The following PHLPP1 variants were observed in gnomAD, a reference collection of about 807,000 sequenced individuals.
PHLPP1 encodes the protein PH domain and leucine rich repeat protein phosphatase 1, also known as PH domain leucine-rich repeat-containing protein phosphatase 1.
Under a neutral mutation model 117.2 loss-of-function variants are expected in PHLPP1, and 42 were observed. That is an observed-to-expected ratio of 0.36 (90% CI 0.28 to 0.46). PHLPP1 has a LOEUF of 0.46. PHLPP1 is among the 20% of genes least tolerant of loss of function. The pLI is 1.00. For synonymous variants in PHLPP1, 1,042 were observed against 970.7 expected, an observed-to-expected ratio of 1.07 and a Z score of -1.37; for missense variants, 2,084 against 2,241.9, an observed-to-expected ratio of 0.93 and a Z score of 1.42.
intron 10 of PHLPP1, among the ~76,000 whole-genome samples, chr18:62,932,884 C>G (rs992600961): frequency 1.1e-4 from 16 of 152,342 alleles, no homozygotes; most frequent in African/African-American, 3.6e-4. Flanking sequence ...CTCCAAAAGA[C>G]TCTCAGACTT....
intron 12 of PHLPP1, among the ~76,000 whole-genome samples, chr18:62,954,023 A>G (rs1910544317): frequency 6.6e-6 from 1 of 152,230 alleles, no homozygotes; most frequent in Admixed American, 6.5e-5. Context: ...CATAATAAAG[A>G]CAGGCTCCAT....
At chr18:62,919,508 A>G (rs1372404248) in intron 9 of PHLPP1, among the ~76,000 whole-genome samples, 1 of 152,254 alleles carries the variant, frequency 6.6e-6, no homozygotes, top group Non-Finnish European at 1.5e-5. Flanking sequence ...TTCTCAGTGG[A>G]CATTTGTAAA....
At chr18:62,817,623 G>A (rs1914324372) in intron 1 of PHLPP1, among the ~76,000 whole-genome samples, 1 of 151,734 alleles carries the variant, frequency 6.6e-6, no homozygotes, top group South Asian at 2.1e-4. Context: ...GTTTGTAATT[G>A]GAGTCCCTGG....
chr18:62,765,200 T>C (rs1265874289), intron 1 of PHLPP1, among the ~76,000 whole-genome samples: 3 of 152,206 alleles, frequency 2.0e-5, no homozygotes, highest in Admixed American at 1.3e-4. Context: ...CAAATTTTGT[T>C]GATTGGACCT....
intron 12 of PHLPP1, among the ~76,000 whole-genome samples, chr18:62,948,708 G>A (rs1052747515): frequency 2.6e-5 from 4 of 151,030 alleles, no homozygotes; most frequent in South Asian, 2.1e-4. Context: ...TTTAGGGTAC[G>A]TGTGCACTGA....
At chr18:62,935,679 G>A (rs1235352080) in intron 10 of PHLPP1, among the ~76,000 whole-genome samples, 3 of 152,120 alleles carry the variant, frequency 2.0e-5, no homozygotes, top group African/African-American at 7.2e-5. Context: ...ATAGTGACAC[G>A]CCAGTACCAG....
At chr18:62,916,605 GGTGTGTGTGTGT>G (rs71340133) in intron 9 of PHLPP1, among the ~76,000 whole-genome samples, 2 of 145,768 alleles carry the variant, frequency 1.4e-5, no homozygotes, top group Non-Finnish European at 3.0e-5. Context: ...CAAGAGGGTG[GGTGTGTGTGTGT>G]GTGTGTGTGT....
At chr18:62,874,693 T>A (rs112459746) in intron 4 of PHLPP1, among the ~76,000 whole-genome samples, 52 of 140,656 alleles carry the variant, frequency 3.7e-4, no homozygotes, top group African/African-American at 1.6e-3. Context: ...ACACACACAC[T>A]CTCGCTCTCT....
In PHLPP1 at chr18:62,894,991, G is replaced by A; in HGVS notation, c.2067-20G>A. The A allele has an allele frequency of 1.3e-6, 2 of 1,561,262 alleles. No homozygotes were observed. Among genetic ancestry groups the A allele is most frequent in the East Asian group, 4.6e-5 (2 of 43,552 alleles). On this transcript the variant is annotated intron_variant, in intron 4 of 16. Coordinates refer to ENST00000262719, the MANE Select transcript of PHLPP1 (RefSeq NM_194449.4). ...GACATTTGTCTCTTTTTTCCCTTTTGTTTTGCTTTATTGTAATAGGTTCAC... is the reference window on the plus strand; with the variant it reads ...GACATTTGTCTCTTTTTTCCCTTTTATTTTGCTTTATTGTAATAGGTTCAC...
At chr18:62,805,842 A>G (rs921156828) in intron 1 of PHLPP1, among the ~76,000 whole-genome samples, 4 of 151,594 alleles carry the variant, frequency 2.6e-5, no homozygotes, top group African/African-American at 4.9e-5. Flanking sequence ...GCAGAGGTCA[A>G]GATTCTTTTT....
chr18:62,863,455 G>A (rs979056196), intron 4 of PHLPP1, among the ~76,000 whole-genome samples: 15 of 152,032 alleles, frequency 9.9e-5, no homozygotes, highest in African/African-American at 2.9e-4. Context: ...CACCCACCTC[G>A]GCCTCCCAAA....
intron 1 of PHLPP1, among the ~76,000 whole-genome samples, chr18:62,785,258 G>A (rs1326858686): frequency 2.0e-5 from 3 of 152,190 alleles, no homozygotes; most frequent in Admixed American, 6.5e-5. Context: ...AAGACTCTCT[G>A]TATCATCCTC....
rs77984135 is a variant in PHLPP1, at chr18:62,934,625, C to G, written c.2961-7093C>G. Among the ~76,000 whole-genome samples the G allele has an allele frequency of 2.8e-4, 43 of 152,024 alleles. No individual in the cohort carries two copies. In the East Asian group the frequency reaches 7.7e-3, roughly 27 times the overall value. ...CCTATTGGGTACTATTTGGTGGTACCCAAATATTTGGGTGATGCCTAAATG... is the reference window on the plus strand; with the variant it reads ...CCTATTGGGTACTATTTGGTGGTACGCAAATATTTGGGTGATGCCTAAATG... On this transcript the variant is annotated intron_variant, in intron 10 of 16. Transcript: ENST00000262719.
chr18:62,968,262 T>C (rs548788755), intron 14 of PHLPP1, among the ~76,000 whole-genome samples: 67 of 152,214 alleles, frequency 4.4e-4, no homozygotes, highest in Non-Finnish European at 6.6e-4. Context: ...GCTGGCCTCA[T>C]AGAATGAGTT....
At chr18:62,853,015 T>G (rs1915398540) in intron 3 of PHLPP1, among the ~76,000 whole-genome samples, 1 of 152,196 alleles carries the variant, frequency 6.6e-6, no homozygotes, top group East Asian at 1.9e-4. Flanking sequence ...GTTTTTGTCA[T>G]AAGGGTCCTA....
intron 1 of PHLPP1, among the ~76,000 whole-genome samples, chr18:62,811,224 A>G (rs925344619): frequency 1.3e-5 from 2 of 152,220 alleles, no homozygotes; most frequent in Non-Finnish European, 2.9e-5. Context: ...GTAACATTAA[A>G]TAGGGATCTG....
intron 9 of PHLPP1, among the ~76,000 whole-genome samples, chr18:62,916,570 G>A (rs1909281687): frequency 6.6e-6 from 1 of 150,462 alleles, no homozygotes; most frequent in South Asian, 2.1e-4. Context: ...GCATTCAAGT[G>A]ACCCATTGCA....
At chr18:62,766,013 A>G (rs1912467416) in intron 1 of PHLPP1, among the ~76,000 whole-genome samples, 1 of 136,782 alleles carries the variant, frequency 7.3e-6, no homozygotes, top group African/African-American at 2.7e-5. Flanking sequence ...GTGAGCCGAG[A>G]TCGCGCCACT....
Position 62,835,148 on chromosome 18 carries a change from A to G in PHLPP1, c.1774-3636A>G, listed in dbSNP as rs80256725. Among the ~76,000 whole-genome samples the G allele has an allele frequency of 2.9e-3, 436 of 152,004 alleles. 1 individual carries two copies. Among genetic ancestry groups the G allele is most frequent in the African/African-American group, 0.01 (416 of 41,490 alleles). The stretch of plus-strand genomic sequence containing the variant: ...TCTTTGTCTTACTGTTACGGGCAGG[A>G]AGATCTAGTACAGTGTTGAATAGAA... On this transcript the variant is annotated intron_variant, in intron 2 of 16. Transcript: ENST00000262719.
Sources: gnomAD v4.1 joint callset for allele counts (sites outside exome capture counted in the v4.1 genomes callset) on GRCh38, gnomAD v4.1.1 for gene constraint, MANE v1.5 for transcripts, NCBI Gene and HGNC (gene_info 2026-07-23, HGNC 2026-07-21) for gene names.